The following PCDHA3 variants were observed in gnomAD, a reference collection of about 807,000 sequenced individuals.
PCDHA3 encodes protocadherin alpha 3.
A neutral mutation model predicts 62.2 loss-of-function variants in PCDHA3; 41 were observed. The observed-to-expected ratio is 0.66, with a 90% CI of 0.51 to 0.86. The LOEUF is 0.86. Among genes scored for constraint, PCDHA3 ranks in the 40% least tolerant of loss-of-function variants. PCDHA3 has a pLI of 0.00. For synonymous variants in PCDHA3, 640 were observed against 555.4 expected (o/e 1.15, Z -2.14); for missense variants, 1,304 against 1,241.2 (o/e 1.05, Z -0.76).
At chr5:140,875,947 GA>G in intron 1 of PCDHA3, 1 of 1,614,184 alleles carries the variant, frequency 6.2e-7, no homozygotes, top group Non-Finnish European at 8.5e-7. Context: ...GGGCGCTTCT[GA>G]TGCGGATATC....
rs1554131556 is a variant in PCDHA3, at chr5:140,828,809, C to G, written c.2394+25218C>G. ...AGTGCTGGATGTGAATGATAATGCT[C>G]CCACTTTCGAACAGTCTGAATACGA... On this transcript the variant is annotated intron_variant, in intron 1 of 3. Coordinates refer to ENST00000522353, the MANE Select transcript of PCDHA3 (RefSeq NM_018906.3). The G allele has an allele frequency of 3.7e-6, 6 of 1,614,180 alleles. No individual in the cohort carries two copies. Among genetic ancestry groups the G allele is most frequent in the Non-Finnish European group, 5.1e-6 (6 of 1,180,034 alleles).
intron 1 of PCDHA3, among the ~76,000 whole-genome samples, chr5:140,937,289 G>A (rs1252675615): frequency 6.6e-5 from 10 of 151,862 alleles, no homozygotes; most frequent in African/African-American, 9.7e-5. Flanking sequence ...CACCCGCTTC[G>A]GCCTCCCAAA....
chr5:140,929,517 A>G, intron 1 of PCDHA3: 1 of 761,634 alleles, frequency 1.3e-6, no homozygotes, highest in Non-Finnish European at 1.9e-6. Context: ...CAAGGGACTT[A>G]TAGTTTATTT....
In PCDHA3 at chr5:140,870,728, C is replaced by A. The variant is rs531202250; in HGVS notation, c.2394+67137C>A. On this transcript the variant is annotated intron_variant, in intron 1 of 3. Coordinates refer to ENST00000522353, the MANE Select transcript of PCDHA3 (RefSeq NM_018906.3). ...GTGAGCGCGCGCGATGCGGGCGTGCCGCCTCTGAGCAGCAACGTGACGCTG... is the reference window on the plus strand; with the variant it reads ...GTGAGCGCGCGCGATGCGGGCGTGCAGCCTCTGAGCAGCAACGTGACGCTG... The A allele has an allele frequency of 5.8e-5, 93 of 1,613,338 alleles. No individual in the cohort carries two copies. Among genetic ancestry groups the A allele is most frequent in the East Asian group, 1.1e-4 (5 of 44,876 alleles).
At chr5:140,807,936 G>A in intron 1 of PCDHA3, 1 of 1,614,112 alleles carries the variant, frequency 6.2e-7, no homozygotes, top group South Asian at 1.1e-5. Flanking sequence ...TATAAGGTGA[G>A]ATTACTAGAA....
intron 1 of PCDHA3, chr5:140,876,038 G>C: frequency 6.2e-7 from 1 of 1,613,822 alleles, no homozygotes; most frequent in East Asian, 2.2e-5. Flanking sequence ...AAAGATAAAA[G>C]TATATTGCCT....
chr5:140,807,387 C>A (rs782494406), intron 1 of PCDHA3: 5 of 1,488,998 alleles, frequency 3.4e-6, no homozygotes, highest in African/African-American at 1.5e-5. Context: ...TTCCGGGTGG[C>A]GTCCAAGGGC....
At chr5:140,875,884 C>A in intron 1 of PCDHA3, 1 of 1,614,168 alleles carries the variant, frequency 6.2e-7, no homozygotes, top group Non-Finnish European at 8.5e-7. Context: ...AGAAAGGGAA[C>A]AAAAGGTACC....
intron 1 of PCDHA3, chr5:140,969,338 C>G: frequency 1.1e-5 from 18 of 1,613,914 alleles, no homozygotes; most frequent in Non-Finnish European, 1.4e-5. Context: ...TGAGGTGAGA[C>G]AGTGGTCAGG....
intron 1 of PCDHA3, among the ~76,000 whole-genome samples, chr5:140,932,112 T>C (rs1211067626): frequency 6.6e-6 from 1 of 151,944 alleles, no homozygotes; most frequent in African/African-American, 2.4e-5. Flanking sequence ...GTATTTCCAA[T>C]TGATAATATT....
chr5:140,968,782 C>T (rs1256152245), intron 1 of PCDHA3: 43 of 1,614,072 alleles, frequency 2.7e-5, no homozygotes, highest in African/African-American at 8.0e-5. Flanking sequence ...CACTATCAGC[C>T]TCTGTGGCCA....
rs939986849 is a variant in PCDHA3, at chr5:140,871,330, G to T, written c.2394+67739G>T. 10 of 1,613,998 alleles carry T rather than the reference G, an allele frequency of 6.2e-6. No homozygotes were observed. Among genetic ancestry groups the T allele is most frequent in the Non-Finnish European group, 8.5e-6 (10 of 1,180,034 alleles). On this transcript the variant is annotated intron_variant, in intron 1 of 3. Transcript: ENST00000522353. The stretch of plus-strand genomic sequence containing the variant: ...GAAGCCCACGCTGGTGTGCTCCCGC[G>T]CGGTGGGGAGCTGGTCATACTCGCA...
chr5:140,860,505 A>T (rs2046425472), intron 1 of PCDHA3: 1 of 152,218 alleles, frequency 6.6e-6, no homozygotes, highest in African/African-American at 2.4e-5. Flanking sequence ...TACATACAAG[A>T]TAAAACTCTT....
At chr5:140,890,961 TTTTG>T (rs1239214366) in intron 1 of PCDHA3, among the ~76,000 whole-genome samples, 3 of 152,172 alleles carry the variant, frequency 2.0e-5, no homozygotes, top group African/African-American at 7.2e-5. Flanking sequence ...TGATTTCAGG[TTTTG>T]TTTTTCTGAA....
chr5:140,934,999 T>C (rs2090139389), intron 1 of PCDHA3, among the ~76,000 whole-genome samples: 1 of 152,196 alleles, frequency 6.6e-6, no homozygotes, highest in Admixed American at 6.5e-5. Flanking sequence ...CCTGAATCCT[T>C]TTCATGTGAG....
intron 1 of PCDHA3, chr5:140,927,289 A>G: frequency 6.2e-7 from 1 of 1,614,172 alleles, no homozygotes; most frequent in Non-Finnish European, 8.5e-7. Flanking sequence ...GCAGCTGCAC[A>G]TCCCCGAGTT....
intron 1 of PCDHA3, chr5:140,831,207 A>G (rs1426566077): frequency 6.6e-6 from 1 of 152,222 alleles, no homozygotes; most frequent in Non-Finnish European, 1.5e-5. Context: ...GATCAAGTAA[A>G]TTTATATGAA....
At chr5:140,986,019 G>A (rs562523452) in intron 3 of PCDHA3, among the ~76,000 whole-genome samples, 66 of 152,154 alleles carry the variant, frequency 4.3e-4, no homozygotes, top group Middle Eastern at 3.4e-3. Flanking sequence ...GATTACAGGC[G>A]TGAGCCACTG....
In PCDHA3 at chr5:140,802,902, C is replaced by T. The variant is rs782553261; in HGVS notation, c.1705C>T (p.Arg569Trp). ...CAACGCGCCGGCACTGCTGATGCCT[C>T]GGGTGGGTGGCATCGGTGGCGCAGT... ...NDNAPALLMP[R>W]VGGIGGAVSE... The change falls in exon 1 of 4, where the codon CGG (arginine) becomes TGG (tryptophan). Residue 569 changes from arginine (R) to tryptophan (W), a missense_variant. Physicochemically the swap from Arg to Trp is moderately radical, Grantham distance 101 (BLOSUM62 -3). Transcript: ENST00000522353. The T allele has an allele frequency of 1.9e-6, 3 of 1,613,772 alleles. No individual in the cohort carries two copies. The highest frequency in any genetic ancestry group is 2.2e-5 in the East Asian group (1 of 44,874).
Sources: allele counts gnomAD v4.1 joint callset (sites outside exome capture counted in the v4.1 genomes callset), GRCh38; gene constraint gnomAD v4.1.1; transcripts MANE v1.5; gene names NCBI Gene and HGNC (gene_info 2026-07-23, HGNC 2026-07-21).